PTPRQ: variants seen among roughly 807,000 people sequenced by gnomAD.
PTPRQ encodes the protein protein tyrosine phosphatase receptor type Q, also known as phosphatidylinositol phosphatase PTPRQ.
Under a neutral mutation model 246.0 loss-of-function variants are expected in PTPRQ, and 199 were observed. The observed-to-expected ratio is 0.81, with a 90% CI of 0.72 to 0.91. The LOEUF is 0.91. PTPRQ is among the 40% of genes least tolerant of loss of function. The pLI, the probability that PTPRQ is intolerant of heterozygous loss-of-function variation, is 0.00. For missense variants in PTPRQ, 2,624 were observed against 2,528.4 expected, an observed-to-expected ratio of 1.04 and a Z score of -0.81; for synonymous variants, 869 against 853.2, an observed-to-expected ratio of 1.02 and a Z score of -0.32.
At chr12:80,654,039 TC>T (rs1285006313) in intron 38 of PTPRQ, among the ~76,000 whole-genome samples, 1 of 144,592 alleles carries the variant, frequency 6.9e-6, no homozygotes, top group Non-Finnish European at 1.5e-5. Flanking sequence ...TTCTTTTTTT[TC>T]TTTCTTTCTT....
intron 26 of PTPRQ, among the ~76,000 whole-genome samples, chr12:80,598,110 T>C (rs1445702270): frequency 6.6e-6 from 1 of 152,010 alleles, no homozygotes; most frequent in Non-Finnish European, 1.5e-5. Context: ...CAGTGAGGTC[T>C]AATACTATGA....
intron 25 of PTPRQ, among the ~76,000 whole-genome samples, chr12:80,572,027 T>C (rs2120958691): frequency 6.6e-6 from 1 of 152,182 alleles, no homozygotes; most frequent in Non-Finnish European, 1.5e-5. Flanking sequence ...TATAAACTTT[T>C]AAATTATAAT....
chr12:80,447,918 T>A (rs146975849), intron 3 of PTPRQ, among the ~76,000 whole-genome samples: 9 of 152,244 alleles, frequency 5.9e-5, no homozygotes, highest in African/African-American at 2.2e-4. Flanking sequence ...TTAGGATTGC[T>A]GTTCTAATTC....
intron 17 of PTPRQ, among the ~76,000 whole-genome samples, chr12:80,525,296 C>A (rs1305751808): frequency 6.6e-6 from 1 of 152,164 alleles, no homozygotes; most frequent in Admixed American, 6.6e-5. Flanking sequence ...GTACTGGACT[C>A]ATCCCAAATT....
At chr12:80,570,464 T>C (rs1897113370) in intron 25 of PTPRQ, among the ~76,000 whole-genome samples, 1 of 152,222 alleles carries the variant, frequency 6.6e-6, no homozygotes, top group African/African-American at 2.4e-5. Flanking sequence ...TTTAAGTTCC[T>C]TATAGATTCT....
intron 16 of PTPRQ, among the ~76,000 whole-genome samples, chr12:80,507,030 G>A (rs1414415497): frequency 6.6e-6 from 1 of 151,892 alleles, no homozygotes; most frequent in Non-Finnish European, 1.5e-5. Context: ...ACATTAACAT[G>A]AGCTTTGAAG....
At chr12:80,557,034 T>C (rs1396688332) in intron 25 of PTPRQ, among the ~76,000 whole-genome samples, 1 of 152,170 alleles carries the variant, frequency 6.6e-6, no homozygotes, top group Admixed American at 6.5e-5. Flanking sequence ...GGAAACAACA[T>C]AAGTAATTCT....
intron 6 of PTPRQ, among the ~76,000 whole-genome samples, chr12:80,467,858 G>A (rs1893485980): frequency 1.3e-5 from 2 of 152,074 alleles, no homozygotes; most frequent in African/African-American, 2.4e-5. Flanking sequence ...GGACTGTTGT[G>A]GGGTGGGGGC....
intron 29 of PTPRQ, among the ~76,000 whole-genome samples, chr12:80,614,716 T>A (rs1241587075): frequency 3.3e-5 from 5 of 150,854 alleles, no homozygotes; most frequent in Admixed American, 6.6e-5. Context: ...TAAAGTAACC[T>A]GGGTTCAAAT....
At chr12:80,572,427 A>G (rs989559666) in intron 25 of PTPRQ, among the ~76,000 whole-genome samples, 2 of 152,098 alleles carry the variant, frequency 1.3e-5, no homozygotes, top group Non-Finnish European at 2.9e-5. Flanking sequence ...AATATTCTAT[A>G]TTAAAATTAT....
At chr12:80,576,571 T>G (rs1592675886) in intron 25 of PTPRQ, among the ~76,000 whole-genome samples, 1 of 152,356 alleles carries the variant, frequency 6.6e-6, no homozygotes, top group East Asian at 1.9e-4. Flanking sequence ...ATTTGTTCAC[T>G]GATTCACATT....
At chr12:80,497,433 C>G (rs1036342612) in intron 14 of PTPRQ, among the ~76,000 whole-genome samples, 1 of 151,946 alleles carries the variant, frequency 6.6e-6, no homozygotes, top group Non-Finnish European at 1.5e-5. Context: ...GTAATTCAGG[C>G]GATAGGGAGT....
intron 39 of PTPRQ, among the ~76,000 whole-genome samples, chr12:80,665,945 C>G (rs1245179868): frequency 6.6e-6 from 1 of 151,926 alleles, no homozygotes; most frequent in African/African-American, 2.4e-5. Flanking sequence ...AAAAAAATAA[C>G]AAATGCCAGC....
chr12:80,652,968 ACC>A (rs1900303760), intron 38 of PTPRQ, 134 bp downstream of exon 38: 12 of 1,038,582 alleles, frequency 1.2e-5, no homozygotes, highest in Middle Eastern at 3.5e-4. Flanking sequence ...GGCAGTGACT[ACC>A]AAATTATATA....
chr12:80,660,537 A>C (rs1235394418), intron 39 of PTPRQ, among the ~76,000 whole-genome samples: 1 of 152,034 alleles, frequency 6.6e-6, no homozygotes, highest in Non-Finnish European at 1.5e-5. Flanking sequence ...GAGAGTCAAA[A>C]ATGAAAATAC....
At chr12:80,668,554 C>T (rs1348921294) in intron 39 of PTPRQ, among the ~76,000 whole-genome samples, 2 of 151,778 alleles carry the variant, frequency 1.3e-5, no homozygotes, top group Non-Finnish European at 2.9e-5. Flanking sequence ...TGGTTCTGGG[C>T]TCAACCTGCC....
intron 38 of PTPRQ, among the ~76,000 whole-genome samples, chr12:80,657,387 G>C (rs1036491719): frequency 6.6e-6 from 1 of 151,640 alleles, no homozygotes; most frequent in Non-Finnish European, 1.5e-5. Flanking sequence ...CAAACACTTT[G>C]GTTCAGAGTA....
intron 25 of PTPRQ, among the ~76,000 whole-genome samples, chr12:80,557,984 C>A (rs1262410604): frequency 6.6e-6 from 1 of 151,754 alleles, no homozygotes; most frequent in Non-Finnish European, 1.5e-5. Flanking sequence ...ACCTTTTTTA[C>A]CCAGAAAAAG....
At chr12:80,643,130 T>G (rs1265672621) in intron 35 of PTPRQ, among the ~76,000 whole-genome samples, 1 of 151,718 alleles carries the variant, frequency 6.6e-6, no homozygotes, top group East Asian at 1.9e-4. Context: ...TATTAATTGT[T>G]TTCCTGATTT....
Sources: gnomAD v4.1 joint callset for allele counts (sites outside exome capture counted in the v4.1 genomes callset) on GRCh38, gnomAD v4.1.1 for gene constraint, MANE v1.5 for transcripts, NCBI Gene and HGNC (gene_info 2026-07-23, HGNC 2026-07-21) for gene names.